Variants in ROR1 observed in about 807,000 individuals in gnomAD.
The protein encoded by ROR1 is inactive tyrosine-protein kinase transmembrane receptor ROR1.
Under a neutral mutation model 78.8 loss-of-function variants are expected in ROR1, and 19 were observed. The ratio of observed to expected loss-of-function variants is 0.24; its 90% confidence interval spans 0.17 to 0.35. The LOEUF (loss-of-function observed/expected upper bound fraction) is 0.35, where lower values mean the gene tolerates loss of function less well. Among genes scored for constraint, ROR1 ranks in the 10% least tolerant of loss-of-function variants. The probability of loss-of-function intolerance (pLI) is 1.00; values close to 1 mark genes in which losing one functional copy is unlikely to be tolerated. For synonymous variants in ROR1, 386 were observed against 433.6 expected, an observed-to-expected ratio of 0.89 and a Z score of 1.36; for missense variants, 917 against 1,177.8, an observed-to-expected ratio of 0.78 and a Z score of 3.24.
intron 4 of ROR1, among the ~76,000 whole-genome samples, chr1:64,103,110 A>G (rs930983479): frequency 6.6e-6 from 1 of 152,198 alleles, no homozygotes; most frequent in Admixed American, 6.5e-5. Flanking sequence ...AGGCTAAAAA[A>G]GCAGCAGGAA....
chr1:63,921,413 G>A (rs916446432), intron 1 of ROR1, among the ~76,000 whole-genome samples: 1 of 152,048 alleles, frequency 6.6e-6, no homozygotes, highest in African/African-American at 2.4e-5. Flanking sequence ...CAAGTAAATG[G>A]CAGAGGAAAT....
intron 1 of ROR1, among the ~76,000 whole-genome samples, chr1:63,855,942 C>G (rs531824734): frequency 6.6e-6 from 1 of 152,274 alleles, no homozygotes; most frequent in African/African-American, 2.4e-5. Flanking sequence ...CAGGTGTGAG[C>G]TACCACGCCC....
chr1:63,989,167 T>TTTTTTC (rs1646274938), intron 1 of ROR1, among the ~76,000 whole-genome samples: 1 of 146,486 alleles, frequency 6.8e-6, no homozygotes, highest in African/African-American at 2.5e-5. Flanking sequence ...TTTCTGTTTT[T>TTTTTTC]GTTTTTTTTT....
chr1:64,081,275 T>C (rs1214077673), intron 4 of ROR1, among the ~76,000 whole-genome samples: 2 of 152,232 alleles, frequency 1.3e-5, no homozygotes, highest in Admixed American at 6.5e-5. Context: ...CCTTCCAATT[T>C]CTGGGAACCT....
At chr1:64,081,196 A>T (rs1647098676) in intron 4 of ROR1, among the ~76,000 whole-genome samples, 1 of 152,184 alleles carries the variant, frequency 6.6e-6, no homozygotes, top group Non-Finnish European at 1.5e-5. Context: ...TTTCAGGCTG[A>T]GCAGTCATAG....
rs997633673 is a variant in ROR1 at position 64,090,614 on chromosome 1, T to C, written c.482+39898T>C. Among the ~76,000 whole-genome samples the C allele has an allele frequency of 2.6e-5, 4 of 152,130 alleles. 1 individual carries two copies. The highest frequency in any genetic ancestry group is 9.7e-5 in the African/African-American group (4 of 41,432). On this transcript the variant is annotated intron_variant, in intron 4 of 8. Coordinates refer to ENST00000371079, the MANE Select transcript of ROR1 (RefSeq NM_005012.4). Reference sequence around the variant, plus strand: ...AATTAGTTCCGACCCCACGTGGCCATTGTTACAGACTAGAATCTGGATTTT... The same window carrying C: ...AATTAGTTCCGACCCCACGTGGCCACTGTTACAGACTAGAATCTGGATTTT...
chr1:64,087,478 G>A (rs1350612780), intron 4 of ROR1, among the ~76,000 whole-genome samples: 1 of 152,224 alleles, frequency 6.6e-6, no homozygotes, highest in Non-Finnish European at 1.5e-5. Context: ...AACCACACTG[G>A]AGCCACCAGG....
chr1:64,171,372 C>T (rs1245621608), intron 8 of ROR1: 1 of 152,288 alleles, frequency 6.6e-6, no homozygotes, highest in Non-Finnish European at 1.5e-5. Context: ...ACAAGAACAG[C>T]ATGGGAAAGA....
chr1:64,173,516 C>T (rs1216065668), intron 8 of ROR1, among the ~76,000 whole-genome samples: 1 of 152,306 alleles, frequency 6.6e-6, no homozygotes, highest in East Asian at 1.9e-4. Context: ...GGATTGCTGG[C>T]CAGCAGGCTT....
intron 1 of ROR1, among the ~76,000 whole-genome samples, chr1:63,787,438 T>TTCCTTCC (rs371310039): frequency 7.8e-5 from 10 of 127,738 alleles, no homozygotes; most frequent in Admixed American, 3.2e-4. Flanking sequence ...ATTGCCTTTC[T>TTCCTTCC]TTCCTTCCTT....
chr1:63,894,459 C>A (rs1440171045), intron 1 of ROR1, among the ~76,000 whole-genome samples: 2 of 808 alleles, frequency 2.5e-3, no homozygotes, highest in Non-Finnish European at 3.9e-3. Context: ...CCTTCCCATT[C>A]ATTAATGCAT....
At chr1:63,928,728 A>T (rs1250090983) in intron 1 of ROR1, among the ~76,000 whole-genome samples, 1 of 152,182 alleles carries the variant, frequency 6.6e-6, no homozygotes, top group Non-Finnish European at 1.5e-5. Context: ...CTGTAAAATA[A>T]GGATGTTAAT....
chr1:63,940,537 A>ATAGATAGATAGG (rs1316361224), intron 1 of ROR1, among the ~76,000 whole-genome samples: 4 of 151,944 alleles, frequency 2.6e-5, no homozygotes, highest in African/African-American at 9.7e-5. Flanking sequence ...AGATAGATAG[A>ATAGATAGATAGG]TAGATAATGT....
intron 1 of ROR1, among the ~76,000 whole-genome samples, chr1:64,001,499 C>T (rs1362024656): frequency 6.6e-6 from 1 of 152,140 alleles, no homozygotes; most frequent in Non-Finnish European, 1.5e-5. Flanking sequence ...TGTCAAATTC[C>T]TGGCTTTGAC....
intron 7 of ROR1, among the ~76,000 whole-genome samples, chr1:64,153,710 A>G (rs1410100278): frequency 6.6e-6 from 1 of 152,120 alleles, no homozygotes; most frequent in African/African-American, 2.4e-5. Flanking sequence ...TCAAAATCAG[A>G]AACAGAAAGT....
Position 64,177,457 on chromosome 1 carries a change from T to G in ROR1, c.1416T>G (p.Ala472=). 1 of 1,614,156 alleles carries G rather than the reference T, an allele frequency of 6.2e-7. No homozygotes were observed. Among genetic ancestry groups the G allele is most frequent in the South Asian group, 1.1e-5 (1 of 91,082 alleles). The change falls in exon 9 of 9, where the codon GCT becomes GCG. Residue 472 remains alanine, a synonymous_variant. Transcript: ENST00000371079. The part of the protein sequence containing the change: ...KSKAKELPLS[A]VRFMEELGEC... ...AGGCTAAAGAGCTACCTCTTTCTGC[T>G]GTACGCTTTATGGAAGAATTGGGTG...
chr1:63,866,414 T>C (rs1645215752), intron 1 of ROR1, among the ~76,000 whole-genome samples: 1 of 152,182 alleles, frequency 6.6e-6, no homozygotes, highest in African/African-American at 2.4e-5. Context: ...CCCACCAAGG[T>C]GTCTACGACA....
At chr1:63,826,402 G>C (rs1569777787) in intron 1 of ROR1, among the ~76,000 whole-genome samples, 1 of 152,236 alleles carries the variant, frequency 6.6e-6, no homozygotes, top group African/African-American at 2.4e-5. Flanking sequence ...CTCCATCCAT[G>C]TACTTGCAAA....
intron 1 of ROR1, among the ~76,000 whole-genome samples, chr1:63,922,527 C>A (rs202232605): frequency 6.6e-6 from 1 of 152,108 alleles, no homozygotes; most frequent in African/African-American, 2.4e-5. Context: ...GCCAAACATC[C>A]GTCTCTTTGC....
Sources: allele counts gnomAD v4.1 joint callset (sites outside exome capture counted in the v4.1 genomes callset), GRCh38; gene constraint gnomAD v4.1.1; transcripts MANE v1.5; gene names NCBI Gene and HGNC (gene_info 2026-07-23, HGNC 2026-07-21).